The following HIPK2 variants were observed in gnomAD, a reference collection of about 807,000 sequenced individuals.
HIPK2 encodes homeodomain-interacting protein kinase 2.
HIPK2 carries 27 observed loss-of-function variants against 113.7 expected under a neutral mutation model. The ratio of observed to expected loss-of-function variants is 0.24; its 90% confidence interval spans 0.17 to 0.33. HIPK2 has a LOEUF of 0.33. HIPK2 is among the 10% of genes least tolerant of loss of function. The pLI, the probability that HIPK2 is intolerant of heterozygous loss-of-function variation, is 1.00. For synonymous variants in HIPK2, 631 were observed against 642.2 expected, an observed-to-expected ratio of 0.98 and a Z score of 0.26; for missense variants, 1,257 against 1,588.0, an observed-to-expected ratio of 0.79 and a Z score of 3.54.
chr7:139,634,531 T>C (rs367995532), intron 2 of HIPK2, among the ~76,000 whole-genome samples: 5 of 152,102 alleles, frequency 3.3e-5, no homozygotes, highest in Non-Finnish European at 7.4e-5. Context: ...GTTGGCCACA[T>C]ACCAGGGCCC....
intron 1 of HIPK2, among the ~76,000 whole-genome samples, chr7:139,732,742 T>C (rs1159446327): frequency 6.7e-6 from 1 of 149,182 alleles, no homozygotes; most frequent in Non-Finnish European, 1.5e-5. Flanking sequence ...AATGAACATA[T>C]ATATATATAA....
chr7:139,651,281 C>T lies in HIPK2; in HGVS notation c.1104-19556G>A, dbSNP rs6942566. On this transcript the variant is annotated intron_variant, in intron 2 of 14. Transcript: ENST00000406875. ...GCACCCAAATGCAGGCAAGACTGAA[C>T]GGATGGCATGAAGTTTGCAAGCTGC... 7.0e-3 allele frequency among the ~76,000 whole-genome samples: 1,070 copies of T among 152,276 alleles called. 18 individuals are homozygous for T. The highest frequency in any genetic ancestry group is 0.024 in the African/African-American group (1,013 of 41,554).
Position 139,575,262 on chromosome 7 carries a change from A to G in HIPK2, c.2992T>C (p.Tyr998His). Residue 998 changes from tyrosine to histidine, a missense_variant, in exon 14 of 15, where the codon TAC becomes CAC. This residue lies in a region of HIPK2 where 862 missense variants were observed against 1,004.3 expected (regional missense o/e 0.86). Coordinates refer to ENST00000406875, the MANE Select transcript of HIPK2 (RefSeq NM_022740.5). The stretch of plus-strand genomic sequence containing the variant: ...ACGTTGCTGGAGGACTTGGACTTGT[A>G]GGAGGACGAGTGGTGACTGGTGTTG... ...PVNTSHHSSS[Y>H]KSKSSSNVTS... 1.9e-6 allele frequency: 3 copies of G among 1,575,384 alleles called. No individual in the cohort carries two copies. Among genetic ancestry groups the G allele is most frequent in the Non-Finnish European group, 1.7e-6 (2 of 1,160,428 alleles).
chr7:139,614,598 G>A, intron 7 of HIPK2, 105 bp from the exon 8 acceptor site: 1 of 800,356 alleles, frequency 1.2e-6, no homozygotes, highest in Non-Finnish European at 1.7e-6. Context: ...ACTCAAAGAA[G>A]AACAAACAAA....
intron 9 of HIPK2, among the ~76,000 whole-genome samples, chr7:139,610,948 G>A (rs1239753025): frequency 2.0e-5 from 3 of 152,212 alleles, no homozygotes; most frequent in Non-Finnish European, 4.4e-5. Flanking sequence ...TGCATGGCAG[G>A]ATCCAGTCAG....
intron 2 of HIPK2, among the ~76,000 whole-genome samples, chr7:139,689,499 A>G (rs548101067): frequency 6.6e-6 from 1 of 152,342 alleles, no homozygotes; most frequent in East Asian, 1.9e-4. Flanking sequence ...AACATCATTT[A>G]TATGTATTAG....
In HIPK2 at chr7:139,575,241, T is replaced by A; in HGVS notation, c.3013A>T (p.Asn1005Tyr). The change falls in exon 14 of 15, where the codon AAC (asparagine) becomes TAC (tyrosine). Residue 1005 changes from asparagine (N) to tyrosine (Y), a missense_variant. Physicochemically the swap from Asn to Tyr is moderately radical, Grantham distance 143. This residue lies in a region of HIPK2 where 862 missense variants were observed against 1,004.3 expected (regional missense o/e 0.86). Transcript: ENST00000406875. ...SSSYKSKSSS[N>Y]VTSTSGHSSG... The stretch of plus-strand genomic sequence containing the variant: ...GAGTGACCGCTGGTGGAGGTCACGT[T>A]GCTGGAGGACTTGGACTTGTAGGAG... The A allele has an allele frequency of 6.3e-7, 1 of 1,580,016 alleles. No homozygotes were observed. Among genetic ancestry groups the A allele is most frequent in the African/African-American group, 1.3e-5 (1 of 74,464 alleles).
intron 1 of HIPK2, among the ~76,000 whole-genome samples, chr7:139,736,145 C>T (rs944674930): frequency 4.6e-5 from 7 of 152,086 alleles, no homozygotes; most frequent in African/African-American, 1.7e-4. Flanking sequence ...AGGGGCTTGG[C>T]ACCCACCATG....
chr7:139,747,986 G>A (rs1215648958), intron 1 of HIPK2, among the ~76,000 whole-genome samples: 10 of 152,340 alleles, frequency 6.6e-5, no homozygotes, highest in Non-Finnish European at 1.5e-5. Context: ...GCTCTATCAG[G>A]CAGAGCTGTT....
At chr7:139,645,296 C>T (rs953486785) in intron 2 of HIPK2, among the ~76,000 whole-genome samples, 3 of 152,190 alleles carry the variant, frequency 2.0e-5, no homozygotes, top group African/African-American at 7.2e-5. Flanking sequence ...AAGACAGAAA[C>T]TTGCTCCTTC....
In HIPK2 at chr7:139,670,731, TTTTC is replaced by T. The variant is rs201765597; in HGVS notation, c.1104-39010_1104-39007del. ...TCAAAATAGGTTTTATTTCTTTTTC[TTTTC>T]TTTCTTTCTTTCTTTCTTTCTTTCT... On this transcript the variant is annotated intron_variant, in intron 2 of 14. Transcript: ENST00000406875. 4.2e-3 allele frequency among the ~76,000 whole-genome samples: 449 copies of T among 105,848 alleles called. 6 individuals carry two copies. The highest frequency in any genetic ancestry group is 0.01 in the African/African-American group (269 of 26,842). The allele number at this position is 105,848 out of a possible 152,430, so 69.4% of individuals were successfully genotyped here. A position where few individuals can be genotyped will look rare whatever the true frequency, so the allele number is the denominator to read the frequency against.
At chr7:139,724,072 T>A (rs1048926371) in intron 1 of HIPK2, among the ~76,000 whole-genome samples, 22 of 149,724 alleles carry the variant, frequency 1.5e-4, no homozygotes, top group Non-Finnish European at 2.8e-4. Flanking sequence ...TGAAATGCCA[T>A]ATCTGTCTAA....
intron 1 of HIPK2, among the ~76,000 whole-genome samples, chr7:139,761,553 G>C (rs140408227): frequency 1.2e-4 from 18 of 152,278 alleles, no homozygotes; most frequent in African/African-American, 4.3e-4. Flanking sequence ...GGAGAAATAA[G>C]CCTAACCATA....
rs150237784 is a variant in HIPK2 at position 139,731,218 on chromosome 7, A to G, written c.20-14203T>C. ...ACAATCGCAAAGTGACGCTGGCCAA[A>G]TGGCAGGTTGCCCTCTCAGCCTCCC... is the stretch of plus-strand genomic sequence containing the variant. On this transcript the variant is annotated intron_variant, in intron 1 of 14. Transcript: ENST00000406875. Among the ~76,000 whole-genome samples, 6 of 152,370 alleles carry G rather than the reference A, an allele frequency of 3.9e-5. No homozygotes were observed. In the East Asian group the frequency reaches 1.2e-3, roughly 29 times the overall value.
intron 11 of HIPK2, 25 bp from the exon 12 acceptor site, chr7:139,597,023 A>C: frequency 1.9e-6 from 3 of 1,572,536 alleles, no homozygotes; most frequent in Non-Finnish European, 2.6e-6. Context: ...CCACACTCTC[A>C]CACAGAGGAA....
intron 7 of HIPK2, among the ~76,000 whole-genome samples, chr7:139,615,194 C>T (rs566262268): frequency 3.2e-4 from 49 of 152,258 alleles, no homozygotes; most frequent in African/African-American, 1.0e-3. Context: ...AGAGCAGGGC[C>T]GAGGAGGGGC....
intron 1 of HIPK2, among the ~76,000 whole-genome samples, chr7:139,745,371 G>A (rs748168767): frequency 7.2e-5 from 11 of 152,134 alleles, no homozygotes; most frequent in Non-Finnish European, 1.2e-4. Flanking sequence ...TCAAGTGTGA[G>A]GATAAAGGCT....
At chr7:139,648,277 C>G (rs1017021686) in intron 2 of HIPK2, among the ~76,000 whole-genome samples, 1 of 152,228 alleles carries the variant, frequency 6.6e-6, no homozygotes, top group Non-Finnish European at 1.5e-5. Context: ...CTGCCTAACT[C>G]TTTAGTAAGT....
chr7:139,592,102 T>C (rs1157365288), intron 12 of HIPK2, among the ~76,000 whole-genome samples: 2 of 152,264 alleles, frequency 1.3e-5, no homozygotes, highest in East Asian at 3.8e-4. Context: ...ACTTTCAACT[T>C]AGTATAAACA....
Sources: gnomAD v4.1 joint callset for allele counts (sites outside exome capture counted in the v4.1 genomes callset) on GRCh38, gnomAD v4.1.1 for gene constraint, gnomAD v4.1.1 regional missense constraint, MANE v1.5 for transcripts, NCBI Gene and HGNC (gene_info 2026-07-23, HGNC 2026-07-21) for gene names.